Variants in UBE2D3 observed in about 807,000 individuals in gnomAD.
UBE2D3 encodes ubiquitin-conjugating enzyme E2 D3.
UBE2D3 carries 2 observed loss-of-function variants against 22.8 expected under a neutral mutation model. The ratio of observed to expected loss-of-function variants is 0.09; its 90% confidence interval spans 0.04 to 0.28. The LOEUF (loss-of-function observed/expected upper bound fraction) is 0.28, where lower values mean the gene tolerates loss of function less well. Among genes scored for constraint, UBE2D3 ranks in the 10% least tolerant of loss-of-function variants. The probability of loss-of-function intolerance (pLI) is 1.00; values close to 1 mark genes in which losing one functional copy is unlikely to be tolerated. For missense variants in UBE2D3, 27 were observed against 182.5 expected, an observed-to-expected ratio of 0.15 and a Z score of 4.91; for synonymous variants, 56 against 60.4, an observed-to-expected ratio of 0.93 and a Z score of 0.34.
At chr4:102,800,432 AG>A (rs1163193658) in intron 6 of UBE2D3, among the ~76,000 whole-genome samples, 1 of 152,088 alleles carries the variant, frequency 6.6e-6, no homozygotes, top group Non-Finnish European at 1.5e-5. Flanking sequence ...CTGCCAAAAA[AG>A]TAAGTTGCTT....
In UBE2D3 at chr4:102,809,684, T is replaced by G; in HGVS notation, c.108A>C (p.Thr36=). Residue 36 remains threonine (T), a synonymous_variant, in exon 4 of 8, where the codon ACA becomes ACC. Transcript: ENST00000453744. ...TCTTAATACTTACAGGTCCCATAAT[T>G]GTGGCTTGCCAATGAAACACTAGAA... ...VGDDMFHWQA[T]IMGPNDSPYQ... is the part of the protein sequence containing the mutation. 6.2e-7 allele frequency: 1 copy of G among 1,611,684 alleles called. No individual in the cohort carries two copies. Among genetic ancestry groups the G allele is most frequent in the Non-Finnish European group, 8.5e-7 (1 of 1,179,310 alleles).
chr4:102,795,010 A>T lies in UBE2D3; in HGVS notation c.*2405T>A, dbSNP rs990152503. 2 of 152,114 alleles carry T rather than the reference A, an allele frequency of 1.3e-5. No individual in the cohort carries two copies. The highest frequency in any genetic ancestry group is 4.8e-5 in the African/African-American group (2 of 41,454). The allele number at this position is 152,114 out of a possible 1,614,324, so 9.4% of individuals were successfully genotyped here. ...AGTGGGGCAAAGAGGGCAAATTCTT[A>T]GATTCTTTTAAGATTTCATTGTACA... On this transcript the variant is annotated 3_prime_UTR_variant, in exon 8 of 8. Coordinates refer to ENST00000453744, the MANE Select transcript of UBE2D3 (RefSeq NM_181891.3).
At chr4:102,803,893 C>G (rs1726594627) in intron 4 of UBE2D3, among the ~76,000 whole-genome samples, 1 of 152,148 alleles carries the variant, frequency 6.6e-6, no homozygotes, top group South Asian at 2.1e-4. Context: ...CTCAGCCTCC[C>G]AAGTAGCTGG....
intron 2 of UBE2D3, among the ~76,000 whole-genome samples, chr4:102,815,487 A>C (rs903099555): frequency 7.2e-5 from 11 of 152,232 alleles, no homozygotes; most frequent in African/African-American, 2.4e-4. Context: ...CCTAGAATAT[A>C]AACACCATAC....
chr4:102,854,418 T>A (rs1732535130), intron 1 of UBE2D3, among the ~76,000 whole-genome samples: 1 of 152,206 alleles, frequency 6.6e-6, no homozygotes, highest in South Asian at 2.1e-4. Context: ...TATTGAAGTC[T>A]CTGTGATACT....
chr4:102,836,141 A>ATTTTTTTTTTTTTT (rs907557988), intron 1 of UBE2D3, among the ~76,000 whole-genome samples: 5 of 102,642 alleles, frequency 4.9e-5, no homozygotes, highest in Non-Finnish European at 9.5e-5. Flanking sequence ...GTTTGTTTCC[A>ATTTTTTTTTTTTTT]TTTTTTTTTT....
At chr4:102,818,694 A>G (rs1020274315) in intron 2 of UBE2D3, among the ~76,000 whole-genome samples, 1 of 152,200 alleles carries the variant, frequency 6.6e-6, no homozygotes, top group Admixed American at 6.5e-5. Flanking sequence ...AGCTTAAGCC[A>G]CTGGTGAGTG....
At chr4:102,799,104 T>C in intron 7 of UBE2D3, 4 of 1,040,134 alleles carry the variant, frequency 3.8e-6, no homozygotes. Flanking sequence ...CTAACATTTT[T>C]GGAAAAACAT....
intron 4 of UBE2D3, among the ~76,000 whole-genome samples, chr4:102,803,082 C>T (rs1726458961): frequency 6.6e-6 from 1 of 152,214 alleles, no homozygotes; most frequent in Non-Finnish European, 1.5e-5. Flanking sequence ...CCAGGTAACA[C>T]ACACACACCA....
Position 102,860,993 on chromosome 4 carries a change from T to G in UBE2D3, c.-129+7722A>C, listed in dbSNP as rs576746018. On this transcript the variant is annotated intron_variant, in intron 1 of 7. Transcript: ENST00000338145. ...GTGTTGGTTGCTATAAGCCTCTGCTTCTTTTCCCTTCTCCTAGATATTCCT... is the reference window on the plus strand; with the variant it reads ...GTGTTGGTTGCTATAAGCCTCTGCTGCTTTTCCCTTCTCCTAGATATTCCT... Among the ~76,000 whole-genome samples the G allele has an allele frequency of 1.7e-3, 252 of 152,092 alleles. 1 individual carries two copies. The highest frequency in any genetic ancestry group is 2.9e-3 in the Admixed American group (45 of 15,260).
rs1325126866 is a variant in UBE2D3, at chr4:102,797,143, A to G, written c.*272T>C. 4 of 336,350 alleles carry G rather than the reference A, an allele frequency of 1.2e-5. No individual in the cohort carries two copies. Among genetic ancestry groups the G allele is most frequent in the African/African-American group, 6.4e-5 (3 of 46,728 alleles). The allele number at this position is 336,350 out of a possible 1,614,324, so 20.8% of individuals were successfully genotyped here. A position where few individuals can be genotyped will look rare whatever the true frequency, so the allele number is the denominator to read the frequency against. Reference sequence around the variant, plus strand: ...TGAAGACATTGGCCACATAATACACATGCTCCATTTTTTTTTTTAAAAATT... The same window carrying G: ...TGAAGACATTGGCCACATAATACACGTGCTCCATTTTTTTTTTTAAAAATT... On this transcript the variant is annotated 3_prime_UTR_variant, in exon 8 of 8. Coordinates refer to ENST00000453744, the MANE Select transcript of UBE2D3 (RefSeq NM_181891.3).
At chr4:102,799,269 A>T (rs1725745210) in intron 7 of UBE2D3, 138 bp downstream of exon 7, 1 of 728,024 alleles carries the variant, frequency 1.4e-6, no homozygotes, top group South Asian at 2.1e-5. Context: ...TTTTTAAATA[A>T]CCACATTTCA....
intron 1 of UBE2D3, among the ~76,000 whole-genome samples, chr4:102,837,494 T>C (rs1731473404): frequency 1.3e-5 from 2 of 152,336 alleles, no homozygotes; most frequent in South Asian, 4.1e-4. Context: ...CCTACTTTGT[T>C]AGTATGTTTT....
At chr4:102,809,421 G>T in intron 4 of UBE2D3, 1 of 481,866 alleles carries the variant, frequency 2.1e-6, no homozygotes. Flanking sequence ...AAACTGAACT[G>T]AGATACAGAG....
chr4:102,843,150 C>A (rs1301462094), intron 1 of UBE2D3, among the ~76,000 whole-genome samples: 2 of 152,092 alleles, frequency 1.3e-5, no homozygotes, highest in African/African-American at 4.8e-5. Flanking sequence ...CAGACTTAGG[C>A]TTTATGATCC....
upstream of UBE2D3, among the ~76,000 whole-genome samples, chr4:102,831,754 A>T (rs565018690): frequency 2.1e-4 from 32 of 152,178 alleles, no homozygotes; most frequent in Non-Finnish European, 3.8e-4. Flanking sequence ...AGGTTAAAAA[A>T]ATATATATTT....
chr4:102,822,939 C>A (rs552593923), intron 2 of UBE2D3, among the ~76,000 whole-genome samples: 57 of 152,056 alleles, frequency 3.7e-4, no homozygotes, highest in Non-Finnish European at 6.8e-4. Flanking sequence ...CCGTCTCCAA[C>A]AACAACAAAA....
intron 1 of UBE2D3, chr4:102,827,122 T>C (rs1306355432): frequency 5.1e-6 from 5 of 986,094 alleles, no homozygotes; most frequent in African/African-American, 1.7e-5. Context: ...CGAGCTATTC[T>C]GTGTCACCCC....
chr4:102,862,238 C>T (rs1355802483), intron 1 of UBE2D3, among the ~76,000 whole-genome samples: 1 of 151,782 alleles, frequency 6.6e-6, no homozygotes, highest in Non-Finnish European at 1.5e-5. Flanking sequence ...TCCTCATACA[C>T]AAAGGGGAAG....
Sources: allele counts gnomAD v4.1 joint callset (sites outside exome capture counted in the v4.1 genomes callset), GRCh38; gene constraint gnomAD v4.1.1; transcripts MANE v1.5; gene names NCBI Gene and HGNC (gene_info 2026-07-23, HGNC 2026-07-21).